Variants in MUSK observed in about 807,000 individuals in gnomAD.
The protein encoded by MUSK is muscle associated receptor tyrosine kinase.
A neutral mutation model predicts 88.7 loss-of-function variants in MUSK; 55 were observed. That is an observed-to-expected ratio of 0.62 (90% CI 0.50 to 0.78). The LOEUF is 0.78. Among genes scored for constraint, MUSK ranks in the 30% least tolerant of loss-of-function variants. MUSK has a pLI of 0.00. For missense variants in MUSK, 1,015 were observed against 1,074.3 expected (o/e 0.94, Z 0.77); for synonymous variants, 387 against 391.9 (o/e 0.99, Z 0.15).
chr9:110,750,337 T>C lies in MUSK; in HGVS notation c.913+2537T>C, dbSNP rs565380374. Reference sequence around the variant, plus strand: ...GATTTGTATTTAGGCAGTGGTGTCTTCTGGACACCCCCCACACCACTGCTA... The same window carrying C: ...GATTTGTATTTAGGCAGTGGTGTCTCCTGGACACCCCCCACACCACTGCTA... On this transcript the variant is annotated intron_variant, in intron 7 of 14. Coordinates refer to ENST00000374448, the MANE Select transcript of MUSK (RefSeq NM_005592.4). Among the ~76,000 whole-genome samples the C allele has an allele frequency of 5.1e-4, 78 of 152,266 alleles. 1 individual carries two copies. Among genetic ancestry groups the C allele is most frequent in the African/African-American group, 1.7e-3 (72 of 41,542 alleles).
chr9:110,783,001 C>T (rs2077788101), intron 11 of MUSK, among the ~76,000 whole-genome samples: 1 of 152,160 alleles, frequency 6.6e-6, no homozygotes. Flanking sequence ...TCACTGGGTC[C>T]ACTTCATGTA....
chr9:110,689,948 A>C (rs1432312453), intron 3 of MUSK, among the ~76,000 whole-genome samples: 2 of 92,354 alleles, frequency 2.2e-5, no homozygotes, highest in South Asian at 3.8e-4. Context: ...ATATATATTT[A>C]AATATAAATA....
At chr9:110,750,434 G>A (rs907359182) in intron 7 of MUSK, among the ~76,000 whole-genome samples, 1 of 152,104 alleles carries the variant, frequency 6.6e-6, no homozygotes, top group Admixed American at 6.5e-5. Context: ...GGGCCCAGGG[G>A]ACCTCCCTGG....
intron 1 of MUSK, among the ~76,000 whole-genome samples, chr9:110,679,350 A>T (rs1292060216): frequency 6.6e-6 from 1 of 151,980 alleles, no homozygotes; most frequent in African/African-American, 2.4e-5. Flanking sequence ...TTATAAATGC[A>T]TATGCCCCTA....
At chr9:110,702,370 A>C (rs1048187023) in intron 5 of MUSK, among the ~76,000 whole-genome samples, 1 of 152,122 alleles carries the variant, frequency 6.6e-6, no homozygotes, top group Non-Finnish European at 1.5e-5. Context: ...TGTGAAATGG[A>C]GGTTAGCATT....
chr9:110,763,113 C>T (rs2846454), intron 8 of MUSK, among the ~76,000 whole-genome samples: 120,307 of 152,116 alleles, frequency 0.79, 47,791 homozygotes, highest in African/African-American at 0.81. Flanking sequence ...CTAAAAACAC[C>T]TTTTAAAGTT....
At chr9:110,704,606 AAAGT>A (rs1409197537) in intron 5 of MUSK, among the ~76,000 whole-genome samples, 1 of 152,222 alleles carries the variant, frequency 6.6e-6, no homozygotes, top group Non-Finnish European at 1.5e-5. Context: ...CATAAGTGAA[AAAGT>A]AAGTAAAGAA....
intron 4 of MUSK, among the ~76,000 whole-genome samples, chr9:110,695,894 T>C (rs907857324): frequency 3.3e-5 from 5 of 152,076 alleles, no homozygotes; most frequent in African/African-American, 1.2e-4. Flanking sequence ...ACTGACAGTT[T>C]CTGGAAGGAG....
chr9:110,759,653 G>A (rs1002858226), intron 7 of MUSK, among the ~76,000 whole-genome samples: 1 of 152,210 alleles, frequency 6.6e-6, no homozygotes, highest in African/African-American at 2.4e-5. Flanking sequence ...ATTTAAAAGT[G>A]AGCAAAGGAC....
In MUSK at chr9:110,682,794, T is replaced by A. The variant is rs752882699; in HGVS notation, c.200T>A (p.Leu67His). ...PEISWTRNKI[L>H]IKLFDTRYSI... ...ATTTCCTGGACTAGAAATAAAATTC[T>A]CATTAAGTAAGTATTCCACATTTTA... The change falls in exon 2 of 15, where the codon CTC (leucine) becomes CAC (histidine). Residue 67 changes from leucine (L) to histidine (H), a missense_variant. Physicochemically the swap from Leu to His is moderately conservative, Grantham distance 99. Coordinates refer to ENST00000374448, the MANE Select transcript of MUSK (RefSeq NM_005592.4). 2.5e-6 allele frequency: 4 copies of A among 1,611,534 alleles called. No homozygotes were observed. In the African/African-American group the frequency reaches 5.3e-5, roughly 22 times the overall value.
chr9:110,755,951 C>CGTATATATATATATAT (rs1269355799), intron 7 of MUSK, among the ~76,000 whole-genome samples: 1 of 101,792 alleles, frequency 9.8e-6, no homozygotes, highest in African/African-American at 4.3e-5. Flanking sequence ...TATATATATA[C>CGTATATATATATATAT]ACATATATAT....
chr9:110,671,876 A>G lies in MUSK; in HGVS notation c.79+2893A>G, dbSNP rs372520886. Among the ~76,000 whole-genome samples the G allele has an allele frequency of 8.7e-4, 133 of 152,364 alleles. 3 individuals carry two copies. In the South Asian group the frequency reaches 0.022, roughly 25 times the overall value. ...ATTTGCTTAATATGCACAAAGAACT[A>G]TCAAAAGTCTCACTTTCAAAACACC... On this transcript the variant is annotated intron_variant, in intron 1 of 14. Transcript: ENST00000374448.
chr9:110,684,336 T>C (rs1245300032), intron 2 of MUSK, among the ~76,000 whole-genome samples: 1 of 152,064 alleles, frequency 6.6e-6, no homozygotes, highest in Non-Finnish European at 1.5e-5. Context: ...TTTTTTCCCA[T>C]TGGTCTATGT....
chr9:110,685,673 C>A (rs1039691116), intron 2 of MUSK, among the ~76,000 whole-genome samples: 4 of 152,060 alleles, frequency 2.6e-5, no homozygotes, highest in South Asian at 2.1e-4. Context: ...AAGTCCTCAC[C>A]AGTAGTGCTT....
intron 5 of MUSK, among the ~76,000 whole-genome samples, chr9:110,708,788 A>G (rs1024859959): frequency 2.6e-5 from 4 of 152,206 alleles, no homozygotes; most frequent in African/African-American, 9.6e-5. Flanking sequence ...ATAATACATA[A>G]TGCTTCAAGT....
chr9:110,672,925 AG>A (rs1483381227), intron 1 of MUSK, among the ~76,000 whole-genome samples: 1 of 152,196 alleles, frequency 6.6e-6, no homozygotes, highest in Non-Finnish European at 1.5e-5. Flanking sequence ...CTTCGGGTCC[AG>A]AAAAGGATTG....
intron 6 of MUSK, among the ~76,000 whole-genome samples, chr9:110,736,156 CA>C (rs2077028173): frequency 6.6e-6 from 1 of 151,884 alleles, no homozygotes; most frequent in African/African-American, 2.4e-5. Flanking sequence ...GTTCCTAGCA[CA>C]AAAAAATGAC....
intron 11 of MUSK, among the ~76,000 whole-genome samples, chr9:110,781,611 C>T (rs2077762431): frequency 6.6e-6 from 1 of 152,134 alleles, no homozygotes; most frequent in African/African-American, 2.4e-5. Flanking sequence ...GTTGCTATAA[C>T]AAAATGCCAC....
chr9:110,741,410 G>T (rs2077096485), intron 6 of MUSK, among the ~76,000 whole-genome samples: 1 of 152,054 alleles, frequency 6.6e-6, no homozygotes, highest in South Asian at 2.1e-4. Context: ...AAGACTGATT[G>T]GCTGTAGCCC....
Sources: allele counts gnomAD v4.1 joint callset (sites outside exome capture counted in the v4.1 genomes callset), GRCh38; gene constraint gnomAD v4.1.1; transcripts MANE v1.5; gene names NCBI Gene and HGNC (gene_info 2026-07-23, HGNC 2026-07-21).